The following POMP variants were observed in gnomAD, a reference collection of about 807,000 sequenced individuals.
POMP encodes the protein 2510048O06Rik.
In POMP, 12 loss-of-function variants were observed where a neutral mutation model predicts 20.6. That is an observed-to-expected ratio of 0.58 (90% CI 0.37 to 0.94). The LOEUF is 0.94. POMP is among the 40% of genes least tolerant of loss of function. POMP has a pLI of 0.01. For synonymous variants in POMP, 53 were observed against 55.0 expected (o/e 0.96, Z 0.16); for missense variants, 136 against 161.1 (o/e 0.84, Z 0.84).
chr13:28,663,084 T>C (rs1043651083), intron 2 of POMP, among the ~76,000 whole-genome samples: 1 of 152,196 alleles, frequency 6.6e-6, no homozygotes, highest in African/African-American at 2.4e-5. Context: ...ATGTATTGGC[T>C]ACCATTTTTT....
chr13:28,659,973 C>G (rs1352675798), intron 1 of POMP: 3 of 152,174 alleles, frequency 2.0e-5, no homozygotes, highest in Non-Finnish European at 4.4e-5. Context: ...TCAAATGTAA[C>G]TAGTAGTTAG....
At chr13:28,669,033 C>G (rs889207438) in intron 4 of POMP, among the ~76,000 whole-genome samples, 4 of 152,132 alleles carry the variant, frequency 2.6e-5, no homozygotes, top group African/African-American at 9.7e-5. Flanking sequence ...ATGATGCCTT[C>G]TCAAGCTGAT....
intron 2 of POMP, among the ~76,000 whole-genome samples, chr13:28,663,037 A>G (rs1260740908): frequency 6.6e-6 from 1 of 152,196 alleles, no homozygotes; most frequent in Non-Finnish European, 1.5e-5. Flanking sequence ...TACCTGAAAA[A>G]TATTTTAAAT....
intron 2 of POMP, among the ~76,000 whole-genome samples, chr13:28,662,938 C>A (rs112816311): frequency 4.9e-4 from 75 of 152,230 alleles, no homozygotes; most frequent in African/African-American, 1.7e-3. Flanking sequence ...TGCCTTTGGA[C>A]AAATCACATA....
chr13:28,661,639 C>T (rs538016581), intron 1 of POMP, among the ~76,000 whole-genome samples: 222 of 152,222 alleles, frequency 1.5e-3, no homozygotes, highest in African/African-American at 4.9e-3. Context: ...CTGGTGATTG[C>T]GCATTTCACA....
At position 28,670,716 on chromosome 13, in the gene POMP, A is replaced by AT. The variant is rs1884531732; in HGVS notation, c.265-1621dup. ...GCACACATTTCTCCTACTGGTGCAG[A>AT]TTCCTTTCTCTGACCTAGCTAAATT... On this transcript the variant is annotated intron_variant, in intron 4 of 5. Coordinates refer to ENST00000380842, the MANE Select transcript of POMP (RefSeq NM_015932.6). 2.0e-5 allele frequency among the ~76,000 whole-genome samples: 3 copies of AT among 152,294 alleles called. No individual in the cohort carries two copies. The South Asian group carries it at 6.2e-4, about 32-fold the overall frequency.
In POMP at chr13:28,668,495, T is replaced by A; in HGVS notation, c.185T>A (p.Met62Lys). The change falls in exon 4 of 6, where the codon ATG becomes AAG. Residue 62 changes from methionine (M) to lysine (K), a missense_variant. By Grantham distance (95) the Met-to-Lys change is moderately conservative (BLOSUM62 -1). Coordinates refer to ENST00000380842, the MANE Select transcript of POMP (RefSeq NM_015932.6). ...TAGTTCCAGCTCAACCAAGATAAAA[T>A]GAATTTTTCCACACTGAGAAACATT... is the stretch of plus-strand genomic sequence containing the variant. ...EKNFQLNQDK[M>K]NFSTLRNIQG... is the part of the protein sequence containing the mutation. The A allele has an allele frequency of 6.2e-7, 1 of 1,610,730 alleles. No homozygotes were observed. The highest frequency in any genetic ancestry group is 1.3e-5 in the African/African-American group (1 of 74,970).
At chr13:28,663,309 GTTTA>G (rs771501679) in intron 2 of POMP, among the ~76,000 whole-genome samples, 5 of 151,840 alleles carry the variant, frequency 3.3e-5, no homozygotes, top group African/African-American at 9.7e-5. Flanking sequence ...CTTATTTTTT[GTTTA>G]TTTATTTATT....
intron 3 of POMP, among the ~76,000 whole-genome samples, chr13:28,667,825 G>A (rs529161633): frequency 5.3e-5 from 8 of 152,234 alleles, no homozygotes; most frequent in Non-Finnish European, 7.4e-5. Context: ...GAGTCAAGTC[G>A]ATTCATTTTG....
At position 28,659,153 on chromosome 13, in the gene POMP, G is replaced by C; in HGVS notation, c.-32G>C. ...GCGGCGGGGTCGACTGACGGTAACGGGGCAGAGAGGCTGTTCGCAGAGCTG... is the reference window on the plus strand; with the variant it reads ...GCGGCGGGGTCGACTGACGGTAACGCGGCAGAGAGGCTGTTCGCAGAGCTG... On this transcript the variant is annotated 5_prime_UTR_variant, in exon 1 of 6. Transcript: ENST00000380842. The C allele has an allele frequency of 1.3e-6, 2 of 1,579,908 alleles. No homozygotes were observed. The highest frequency in any genetic ancestry group is 1.7e-6 in the Non-Finnish European group (2 of 1,163,730).
chr13:28,672,301 T>C (rs778080371), intron 4 of POMP, 38 bp from the exon 5 acceptor site: 3 of 1,460,090 alleles, frequency 2.1e-6, no homozygotes, highest in Non-Finnish European at 1.9e-6. Context: ...TTCCCCTGAG[T>C]TTTTTCTAAT....
Position 28,672,401 on chromosome 13 carries a change from T to C in POMP, c.327T>C (p.Asp109=). ...NLSLDVLRGN[D]ETIGFEDILN... is the part of the protein sequence containing the mutation. Reference sequence around the variant, plus strand: ...CACTGGATGTTTTGAGGGGTAATGATGAGACTATTGGATTTGAGGATATTC... The same window carrying C: ...CACTGGATGTTTTGAGGGGTAATGACGAGACTATTGGATTTGAGGATATTC... The change falls in exon 5 of 6, where the codon GAT becomes GAC. Residue 109 remains aspartate (D), a synonymous_variant. Coordinates refer to ENST00000380842, the MANE Select transcript of POMP (RefSeq NM_015932.6). The C allele has an allele frequency of 1.2e-6, 2 of 1,605,668 alleles. No homozygotes were observed. The highest frequency in any genetic ancestry group is 1.1e-5 in the South Asian group (1 of 90,910).
In POMP at chr13:28,678,523, A is replaced by T. The variant is rs1211129738; in HGVS notation, c.*421A>T. The stretch of plus-strand genomic sequence containing the variant: ...TTCAGTGGCAACTCTCAAATTGATT[A>T]CAATATGAGATATATCAGTGTCGTC... On this transcript the variant is annotated 3_prime_UTR_variant, in exon 6 of 6. Coordinates refer to ENST00000380842, the MANE Select transcript of POMP (RefSeq NM_015932.6). 4.8e-6 allele frequency: 1 copy of T among 210,066 alleles called. No homozygotes were observed. Among genetic ancestry groups the T allele is most frequent in the Non-Finnish European group, 9.7e-6 (1 of 103,306 alleles). 13.0% of individuals were successfully genotyped at this position (210,066 alleles called of 1,614,324 possible).
intron 5 of POMP, among the ~76,000 whole-genome samples, chr13:28,676,940 G>A (rs151325357): frequency 2.6e-5 from 4 of 152,288 alleles, no homozygotes; most frequent in African/African-American, 9.6e-5. Context: ...ATGATATGCT[G>A]TCTTTTGGTG....
At chr13:28,669,532 C>T (rs1052961295) in intron 4 of POMP, among the ~76,000 whole-genome samples, 1 of 152,070 alleles carries the variant, frequency 6.6e-6, no homozygotes, top group Non-Finnish European at 1.5e-5. Flanking sequence ...CTTGCTACCT[C>T]GCCTGGCTAG....
rs1209204577 is a variant in POMP at position 28,663,778 on chromosome 13, A to C, written c.102-731A>C. On this transcript the variant is annotated intron_variant, in intron 2 of 5. Coordinates refer to ENST00000380842, the MANE Select transcript of POMP (RefSeq NM_015932.6). ...AATCAAGTTGATTGGCTAGGCAGTA[A>C]CTAAGGTCTGAAGATTTTTTTCCCC... Among the ~76,000 whole-genome samples, 75 of 152,180 alleles carry C rather than the reference A, an allele frequency of 4.9e-4. 1 individual carries two copies. Among genetic ancestry groups the C allele is most frequent in the Non-Finnish European group, 2.9e-4 (20 of 68,044 alleles).
chr13:28,668,532 T>G lies in POMP; in HGVS notation c.222T>G (p.Phe74Leu). Residue 74 changes from phenylalanine (F) to leucine (L), a missense_variant, in exon 4 of 6, where the codon TTT (phenylalanine) becomes TTG (leucine). Transcript: ENST00000380842. The part of the protein sequence containing the change: ...FSTLRNIQGL[F>L]APLKLQMEFK... ...CACTGAGAAACATTCAGGGTCTATTTGCTCCGCTAAAATTACAGATGGAAT... is the reference window on the plus strand; with the variant it reads ...CACTGAGAAACATTCAGGGTCTATTGGCTCCGCTAAAATTACAGATGGAAT... 1.9e-6 allele frequency: 3 copies of G among 1,613,118 alleles called. No individual in the cohort carries two copies. The highest frequency in any genetic ancestry group is 2.5e-6 in the Non-Finnish European group (3 of 1,179,098).
At chr13:28,663,949 C>G (rs1884393831) in intron 2 of POMP, among the ~76,000 whole-genome samples, 1 of 152,026 alleles carries the variant, frequency 6.6e-6, no homozygotes, top group Admixed American at 6.6e-5. Flanking sequence ...CTTTAAAATC[C>G]TAGTTTGGAT....
At chr13:28,672,777 C>T (rs1215028142) in intron 5 of POMP, among the ~76,000 whole-genome samples, 1 of 152,086 alleles carries the variant, frequency 6.6e-6, no homozygotes, top group Non-Finnish European at 1.5e-5. Context: ...TTATGAAATT[C>T]TAAGAGTACA....
Sources: gnomAD v4.1 joint callset for allele counts (sites outside exome capture counted in the v4.1 genomes callset) on GRCh38, gnomAD v4.1.1 for gene constraint, MANE v1.5 for transcripts, NCBI Gene and HGNC (gene_info 2026-07-23, HGNC 2026-07-21) for gene names.